The following PRELID2 variants were observed in gnomAD, a reference collection of about 807,000 sequenced individuals.
PRELID2 encodes the protein PRELI domain containing 2.
Under a neutral mutation model 28.4 loss-of-function variants are expected in PRELID2, and 25 were observed. The ratio of observed to expected loss-of-function variants is 0.88; its 90% CI spans 0.64 to 1.23. The LOEUF (loss-of-function observed/expected upper bound fraction) is 1.23. Among genes scored for constraint, PRELID2 ranks in the 50% most tolerant of loss-of-function variants. The pLI, the probability that PRELID2 is intolerant of heterozygous loss-of-function variation, is 0.00. For synonymous variants in PRELID2, 76 were observed against 71.6 expected (o/e 1.06, Z -0.31); for missense variants, 201 against 214.4 (o/e 0.94, Z 0.39).
chr5:145,731,377 T>TC (rs1403113005), intron 1 of PRELID2, among the ~76,000 whole-genome samples: 2 of 152,296 alleles, frequency 1.3e-5, no homozygotes, highest in Admixed American at 6.5e-5. Flanking sequence ...TGACAGGGAA[T>TC]CCAGTGAGTC....
intron 1 of PRELID2, among the ~76,000 whole-genome samples, chr5:145,825,763 A>C (rs1052234460): frequency 1.3e-5 from 2 of 152,220 alleles, no homozygotes; most frequent in South Asian, 4.1e-4. Flanking sequence ...AGTAGAAGAA[A>C]GTAGGGGTTT....
intron 6 of PRELID2, among the ~76,000 whole-genome samples, chr5:145,762,586 G>C (rs1176847038): frequency 6.6e-6 from 1 of 151,980 alleles, no homozygotes; most frequent in African/African-American, 2.4e-5. Flanking sequence ...AAGACAATAG[G>C]TAATGCTGTA....
At chr5:145,242,941 T>A in the PRELID2 span, among the ~76,000 whole-genome samples, 10 of 152,126 alleles carry the variant, frequency 6.6e-5, no homozygotes, top group African/African-American at 2.2e-4. Context: ...ATATACATAT[T>A]TAAATACCAT....
chr5:145,592,703 G>C (rs1354210657), intron 1 of PRELID2, among the ~76,000 whole-genome samples: 1 of 152,126 alleles, frequency 6.6e-6, no homozygotes, highest in African/African-American at 2.4e-5. Context: ...AAGAATTCAA[G>C]CTAGACTTAA....
chr5:145,620,729 C>G (rs115265814), intron 1 of PRELID2, among the ~76,000 whole-genome samples: 1 of 132,924 alleles, frequency 7.5e-6, no homozygotes, highest in Admixed American at 8.1e-5. Flanking sequence ...GTCCCAGCTA[C>G]GTGGGTGGCT....
intron 1 of PRELID2, among the ~76,000 whole-genome samples, chr5:145,710,055 A>G (rs17103660): frequency 0.024 from 3,630 of 152,248 alleles, 137 homozygotes; most frequent in African/African-American, 0.082. Flanking sequence ...TTCAGAATCT[A>G]TACTTACCAA....
chr5:145,320,560 T>C, the PRELID2 span, among the ~76,000 whole-genome samples: 25 of 152,318 alleles, frequency 1.6e-4, no homozygotes, highest in Non-Finnish European at 3.1e-4. Context: ...AAAGTGGCCC[T>C]CTGGATAAGC....
the PRELID2 span, among the ~76,000 whole-genome samples, chr5:145,250,495 A>G: frequency 6.6e-6 from 1 of 152,152 alleles, no homozygotes; most frequent in Non-Finnish European, 1.5e-5. Flanking sequence ...ACTTGCGATC[A>G]AATCATTGAT....
intron 1 of PRELID2, among the ~76,000 whole-genome samples, chr5:145,589,924 C>G (rs1186312108): frequency 6.6e-6 from 1 of 152,108 alleles, no homozygotes; most frequent in Non-Finnish European, 1.5e-5. Flanking sequence ...CATCCAACAC[C>G]ACTTTTTGAA....
At chr5:145,819,901 T>G (rs926807133) in intron 3 of PRELID2, 44 bp downstream of exon 3, 1 of 1,181,728 alleles carries the variant, frequency 8.5e-7, no homozygotes, top group Non-Finnish European at 1.3e-6. Context: ...CTATTAAAAA[T>G]TACTCAATGT....
chr5:145,600,420 G>GGA lies in PRELID2; in HGVS notation n.71-127106_71-127105insTC, dbSNP rs1491541560. Among the ~76,000 whole-genome samples the GGA allele has an allele frequency of 2.4e-3, 300 of 124,154 alleles. 7 individuals are homozygous for GGA. Among genetic ancestry groups the GGA allele is most frequent in the African/African-American group, 0.01 (286 of 27,314 alleles). 81.4% of individuals were successfully genotyped at this position (124,154 alleles called of 152,430 possible). A position where few individuals can be genotyped will look rare whatever the true frequency, so the allele number is the denominator to read the frequency against. On this transcript the variant is annotated intron_variant and non_coding_transcript_variant, in intron 1 of 2. Transcript: ENST00000510259. The stretch of plus-strand genomic sequence containing the variant: ...AAGGCATGAGCTTCTCTCAGGGGGG[G>GGA]AAAAAAAAAAAAAAATATATATATA...
At chr5:145,551,168 C>T (rs1328607235) in intron 1 of PRELID2, among the ~76,000 whole-genome samples, 1 of 151,846 alleles carries the variant, frequency 6.6e-6, no homozygotes, top group Non-Finnish European at 1.5e-5. Flanking sequence ...ATTGGGAGGC[C>T]GAGGGGGGCA....
intron 1 of PRELID2, among the ~76,000 whole-genome samples, chr5:145,654,858 T>G (rs190852968): frequency 6.6e-6 from 1 of 152,124 alleles, no homozygotes; most frequent in African/African-American, 2.4e-5. Context: ...ATGCCCTCTC[T>G]CGCCACTCCT....
intron 1 of PRELID2, among the ~76,000 whole-genome samples, chr5:145,673,828 T>C (rs1028307163): frequency 5.3e-5 from 8 of 151,984 alleles, no homozygotes; most frequent in African/African-American, 1.7e-4. Context: ...ATTATTACAG[T>C]AATAATAACA....
In PRELID2 at chr5:145,498,376, A is replaced by G. The variant is rs185155762; in HGVS notation, n.71-25061T>C. 3.6e-3 allele frequency among the ~76,000 whole-genome samples: 549 copies of G among 152,276 alleles called. 6 individuals carry two copies. The highest frequency in any genetic ancestry group is 0.013 in the African/African-American group (522 of 41,564). On this transcript the variant is annotated intron_variant and non_coding_transcript_variant, in intron 1 of 2. Coordinates refer to the PRELID2 transcript ENST00000510259. ...TATAGCCAAATGATTAAAATTCTACACAGTCAAGCATGGTGGCGTGCATCT... is the reference window on the plus strand; with the variant it reads ...TATAGCCAAATGATTAAAATTCTACGCAGTCAAGCATGGTGGCGTGCATCT...
At chr5:145,544,850 G>A (rs1006198313) in intron 1 of PRELID2, among the ~76,000 whole-genome samples, 4 of 152,084 alleles carry the variant, frequency 2.6e-5, no homozygotes, top group Admixed American at 2.6e-4. Context: ...AGTGGCCAAG[G>A]AGTTCACAGA....
chr5:145,729,705 T>G (rs1477877416), intron 1 of PRELID2, among the ~76,000 whole-genome samples: 4 of 152,230 alleles, frequency 2.6e-5, no homozygotes, highest in Non-Finnish European at 5.9e-5. Context: ...CTAGCATTCC[T>G]TCACCGGGGT....
the PRELID2 span, among the ~76,000 whole-genome samples, chr5:145,418,487 A>ATACT: frequency 1.6e-4 from 25 of 152,302 alleles, no homozygotes; most frequent in Middle Eastern, 6.8e-3. Context: ...ACTTCAAACT[A>ATACT]TACTACAGGG....
At chr5:145,829,337 CTCCTT>C (rs1755431563) in intron 1 of PRELID2, among the ~76,000 whole-genome samples, 1 of 152,188 alleles carries the variant, frequency 6.6e-6, no homozygotes, top group African/African-American at 2.4e-5. Context: ...TGCTCACTCT[CTCCTT>C]TATTACTCTA....
Sources: allele counts gnomAD v4.1 joint callset (sites outside exome capture counted in the v4.1 genomes callset), GRCh38; gene constraint gnomAD v4.1.1; transcripts MANE v1.5; gene names NCBI Gene and HGNC (gene_info 2026-07-23, HGNC 2026-07-21).